PRKCE: variants seen among roughly 807,000 people sequenced by gnomAD.
PRKCE encodes the protein protein kinase C epsilon type.
PRKCE carries 16 observed loss-of-function variants against 85.4 expected under a neutral mutation model. The observed-to-expected ratio is 0.19, with a 90% CI of 0.13 to 0.28. The LOEUF is 0.28. Among genes scored for constraint, PRKCE ranks in the 10% least tolerant of loss-of-function variants. PRKCE has a pLI of 1.00. For synonymous variants in PRKCE, 388 were observed against 371.5 expected, an observed-to-expected ratio of 1.04 and a Z score of -0.51; for missense variants, 573 against 975.2, an observed-to-expected ratio of 0.59 and a Z score of 5.49.
intron 1 of PRKCE, among the ~76,000 whole-genome samples, chr2:45,817,208 A>T (rs924765913): frequency 1.2e-4 from 18 of 151,902 alleles, no homozygotes; most frequent in Non-Finnish European, 2.4e-4. Context: ...GCAGCAGCTC[A>T]TTTCTTATTG....
intron 10 of PRKCE, among the ~76,000 whole-genome samples, chr2:46,034,865 C>G (rs907653064): frequency 2.0e-5 from 3 of 152,258 alleles, no homozygotes; most frequent in Non-Finnish European, 4.4e-5. Context: ...ATGGTATGTT[C>G]TGAGGTTTGC....
chr2:45,702,906 C>G (rs1260687910), intron 1 of PRKCE, among the ~76,000 whole-genome samples: 2 of 152,168 alleles, frequency 1.3e-5, no homozygotes, highest in African/African-American at 4.8e-5. Context: ...AAGAGTCATT[C>G]CACAGAAAGA....
intron 13 of PRKCE, among the ~76,000 whole-genome samples, chr2:46,153,701 C>T (rs959371739): frequency 4.6e-5 from 7 of 150,984 alleles, no homozygotes; most frequent in African/African-American, 9.7e-5. Flanking sequence ...GACGGGATGG[C>T]GGTGTCTGAG....
chr2:46,095,733 C>T (rs1432056563), intron 11 of PRKCE, among the ~76,000 whole-genome samples: 1 of 152,206 alleles, frequency 6.6e-6, no homozygotes, highest in Admixed American at 6.5e-5. Flanking sequence ...CATTGTGTTG[C>T]ATTCTTTTCT....
chr2:45,682,121 TACAA>T (rs917121448), intron 1 of PRKCE, among the ~76,000 whole-genome samples: 41 of 152,348 alleles, frequency 2.7e-4, no homozygotes, highest in Admixed American at 2.0e-3. Context: ...TTAAATTTTT[TACAA>T]ACAGCTTTAC....
chr2:45,829,989 C>T (rs974752223), intron 1 of PRKCE, among the ~76,000 whole-genome samples: 19 of 144,852 alleles, frequency 1.3e-4, no homozygotes, highest in Middle Eastern at 3.6e-3. Flanking sequence ...AGGAGAATGG[C>T]GTGAACCTGG....
At chr2:45,775,035 C>G (rs1374264347) in intron 1 of PRKCE, among the ~76,000 whole-genome samples, 1 of 152,122 alleles carries the variant, frequency 6.6e-6, no homozygotes, top group Non-Finnish European at 1.5e-5. Context: ...TGATCTCCTC[C>G]CCACGGTTGA....
chr2:45,954,110 C>T (rs1052528618), intron 2 of PRKCE, among the ~76,000 whole-genome samples: 1 of 152,210 alleles, frequency 6.6e-6, no homozygotes, highest in Non-Finnish European at 1.5e-5. Context: ...AACAAATCTC[C>T]TTGGTCCTGC....
chr2:46,154,180 G>A (rs1363510762), intron 13 of PRKCE, among the ~76,000 whole-genome samples: 1 of 152,106 alleles, frequency 6.6e-6, no homozygotes, highest in African/African-American at 2.4e-5. Flanking sequence ...GACCTGGCTG[G>A]TACACCTAGA....
At chr2:45,656,985 T>C (rs55724170) in intron 1 of PRKCE, among the ~76,000 whole-genome samples, 23,129 of 152,250 alleles carry the variant, frequency 0.15, 2,158 homozygotes, top group African/African-American at 0.26. Context: ...GCTGGATGGA[T>C]TGGCATTGCA....
At chr2:45,835,096 A>C (rs1690748224) in intron 1 of PRKCE, among the ~76,000 whole-genome samples, 1 of 152,240 alleles carries the variant, frequency 6.6e-6, no homozygotes, top group Non-Finnish European at 1.5e-5. Context: ...GTAGGTGTAC[A>C]TTATGTTGTT....
chr2:45,978,884 T>G (rs1465741115), intron 3 of PRKCE, 92 bp from the exon 4 acceptor site: 2 of 1,038,182 alleles, frequency 1.9e-6, no homozygotes, highest in Admixed American at 1.8e-5. Flanking sequence ...TGGTGCTATG[T>G]GGGTGGTGGC....
chr2:45,914,593 T>A (rs1316471671), intron 2 of PRKCE, among the ~76,000 whole-genome samples: 2 of 152,242 alleles, frequency 1.3e-5, no homozygotes, highest in African/African-American at 4.8e-5. Context: ...GTCCCCCATC[T>A]GCTTCCTAGG....
chr2:45,717,319 A>T (rs530470960), intron 1 of PRKCE, among the ~76,000 whole-genome samples: 1 of 152,326 alleles, frequency 6.6e-6, no homozygotes, highest in East Asian at 1.9e-4. Flanking sequence ...GCACTTAGAT[A>T]ACAACTGGTT....
At chr2:45,778,003 C>T (rs1227875947) in intron 1 of PRKCE, among the ~76,000 whole-genome samples, 1 of 151,476 alleles carries the variant, frequency 6.6e-6, no homozygotes, top group African/African-American at 2.4e-5. Context: ...ATGAGCAGGG[C>T]TGTGCAGAGA....
At chr2:46,048,345 C>A (rs539830102) in intron 10 of PRKCE, among the ~76,000 whole-genome samples, 46 of 152,322 alleles carry the variant, frequency 3.0e-4, no homozygotes, top group African/African-American at 1.0e-3. Context: ...TGAAAAGTCT[C>A]AAGGGTATTA....
chr2:45,810,513 G>A (rs181761398), intron 1 of PRKCE, among the ~76,000 whole-genome samples: 58 of 152,134 alleles, frequency 3.8e-4, no homozygotes, highest in African/African-American at 1.4e-3. Context: ...GAATGCTGAG[G>A]TGAGCCTATA....
chr2:46,028,072 G>A (rs182292842), intron 10 of PRKCE, among the ~76,000 whole-genome samples: 49 of 152,184 alleles, frequency 3.2e-4, no homozygotes, highest in African/African-American at 1.1e-3. Flanking sequence ...CTCCCGAGTA[G>A]CTGGGATTAC....
At chr2:45,902,557 A>C (rs1218765417) in intron 2 of PRKCE, among the ~76,000 whole-genome samples, 1 of 152,200 alleles carries the variant, frequency 6.6e-6, no homozygotes, top group African/African-American at 2.4e-5. Context: ...TGTGCTGGGG[A>C]AAAGTCAGAA....
Sources: allele counts gnomAD v4.1 joint callset (sites outside exome capture counted in the v4.1 genomes callset), GRCh38; gene constraint gnomAD v4.1.1; transcripts MANE v1.5; gene names NCBI Gene and HGNC (gene_info 2026-07-23, HGNC 2026-07-21).